Variants in ZDHHC15 observed in about 807,000 individuals in gnomAD.
ZDHHC15 encodes palmitoyltransferase ZDHHC15.
A neutral mutation model predicts 31.7 loss-of-function variants in ZDHHC15; 19 were observed. That is an observed-to-expected ratio of 0.60 (90% CI 0.42 to 0.88). The LOEUF (loss-of-function observed/expected upper bound fraction) is 0.88. Ranked by LOEUF, ZDHHC15 falls within the 40% of genes least tolerant of loss-of-function variation. ZDHHC15 has a pLI of 0.00. For synonymous variants in ZDHHC15, 103 were observed against 90.0 expected, an observed-to-expected ratio of 1.14 and a Z score of -0.82; for missense variants, 209 against 251.2, an observed-to-expected ratio of 0.83 and a Z score of 1.14.
Position 75,485,530 on chromosome X carries a change from C to A in ZDHHC15, c.164-6545G>T, listed in dbSNP as rs943857953. Among the ~76,000 whole-genome samples, 4 of 110,452 alleles carry A rather than the reference C, an allele frequency of 3.6e-5. No homozygotes were observed. The East Asian group carries it at 8.6e-4, about 24-fold the overall frequency. On this transcript the variant is annotated intron_variant, in intron 2 of 11. Coordinates refer to ENST00000373367, the MANE Select transcript of ZDHHC15 (RefSeq NM_144969.3). ...TATATAATCATTTTGGCTCAATATA[C>A]GCCCCACCATCAGTAACCTGATACA...
intron 1 of ZDHHC15, among the ~76,000 whole-genome samples, chrX:75,521,332 A>C (rs2085438277): frequency 9.0e-6 from 1 of 111,251 alleles, no homozygotes; most frequent in African/African-American, 3.3e-5. Context: ...TCAATGTGAG[A>C]AGACAGGGAC....
intron 4 of ZDHHC15, among the ~76,000 whole-genome samples, chrX:75,444,422 A>T (rs2083995132): frequency 1.1e-5 from 1 of 89,292 alleles, no homozygotes; most frequent in South Asian, 6.9e-4. Flanking sequence ...GAATAGTGAG[A>T]ACACTTGGAC....
intron 2 of ZDHHC15, among the ~76,000 whole-genome samples, chrX:75,495,859 C>A (rs2084987457): frequency 9.5e-6 from 1 of 105,787 alleles, no homozygotes; most frequent in South Asian, 4.5e-4. Context: ...TGCAGCACAC[C>A]AACATGGCAC....
intron 5 of ZDHHC15, among the ~76,000 whole-genome samples, chrX:75,430,518 A>G (rs1332742325): frequency 8.9e-6 from 1 of 112,034 alleles, no homozygotes; most frequent in East Asian, 2.8e-4. Context: ...ATATAAATAA[A>G]TGATTGAATA....
intron 2 of ZDHHC15, among the ~76,000 whole-genome samples, chrX:75,503,239 T>A (rs1363046578): frequency 9.0e-6 from 1 of 111,095 alleles, no homozygotes; most frequent in Admixed American, 9.7e-5. Context: ...TGAGCTTTAG[T>A]CCTTTCTGTG....
At chrX:75,476,120 G>A in intron 3 of ZDHHC15, among the ~76,000 whole-genome samples, 1 of 111,092 alleles carries the variant, frequency 9.0e-6, no homozygotes, top group South Asian at 3.7e-4. Flanking sequence ...TTTTACATGT[G>A]GAATATTTAC....
In ZDHHC15 at chrX:75,509,861, G is replaced by T. The variant is rs143694845; in HGVS notation, c.137-4014C>A. Among the ~76,000 whole-genome samples the T allele has an allele frequency of 8.0e-3, 899 of 112,061 alleles. 11 individuals are homozygous for T. Among genetic ancestry groups the T allele is most frequent in the African/African-American group, 0.027 (827 of 30,898 alleles). ...GAGGTTACATTTTACAATAAGTTTA[G>T]GACAAAACAAGTCTGATTTTAAAAA... On this transcript the variant is annotated intron_variant, in intron 1 of 11. Coordinates refer to ENST00000373367, the MANE Select transcript of ZDHHC15 (RefSeq NM_144969.3).
chrX:75,505,387 G>A (rs963971953), intron 2 of ZDHHC15, among the ~76,000 whole-genome samples: 1 of 111,310 alleles, frequency 9.0e-6, no homozygotes, highest in African/African-American at 3.3e-5. Flanking sequence ...CAAGATGGTG[G>A]TGAGGAGCAG....
chrX:75,494,846 G>T (rs1250888391), intron 2 of ZDHHC15, among the ~76,000 whole-genome samples: 2 of 111,716 alleles, frequency 1.8e-5, no homozygotes, highest in East Asian at 5.6e-4. Context: ...GAAAACCTAG[G>T]CAATACCATT....
chrX:75,476,358 G>T lies in ZDHHC15; in HGVS notation c.258+2533C>A, dbSNP rs138118548. On this transcript the variant is annotated intron_variant, in intron 3 of 11. Coordinates refer to ENST00000373367, the MANE Select transcript of ZDHHC15 (RefSeq NM_144969.3). ...GGTCCTTGGGTTTTCTTTGTTGGCA[G>T]GTTTTTGATTACTAATTCTATATCT... is the stretch of plus-strand genomic sequence containing the variant. Among the ~76,000 whole-genome samples, 335 of 109,998 alleles carry T rather than the reference G, an allele frequency of 3.0e-3. 1 individual carries two copies. Among genetic ancestry groups the T allele is most frequent in the African/African-American group, 0.01 (305 of 30,350 alleles).
chrX:75,474,662 G>A (rs1486952375), intron 3 of ZDHHC15, among the ~76,000 whole-genome samples: 1 of 82,869 alleles, frequency 1.2e-5, no homozygotes, highest in Admixed American at 1.5e-4. Context: ...TGATCATTGA[G>A]GTATCTTCTT....
chrX:75,443,326 T>C (rs762045099), intron 4 of ZDHHC15, among the ~76,000 whole-genome samples: 3 of 110,791 alleles, frequency 2.7e-5, no homozygotes, highest in South Asian at 7.7e-4. Flanking sequence ...CATCTACAAC[T>C]ATCTGATCTT....
chrX:75,475,025 C>T (rs1235646874), intron 3 of ZDHHC15, among the ~76,000 whole-genome samples: 1 of 111,216 alleles, frequency 9.0e-6, no homozygotes, highest in Non-Finnish European at 1.9e-5. Context: ...CGCCGCTGCA[C>T]TCCTGCCTGG....
chrX:75,491,749 T>G (rs1260683215), intron 2 of ZDHHC15, among the ~76,000 whole-genome samples: 1 of 110,895 alleles, frequency 9.0e-6, no homozygotes, highest in Non-Finnish European at 1.9e-5. Context: ...GCTGAGAGAT[T>G]TTGTCACCAC....
intron 4 of ZDHHC15, among the ~76,000 whole-genome samples, chrX:75,448,464 T>C (rs1433113762): frequency 1.8e-5 from 2 of 112,470 alleles, no homozygotes; most frequent in African/African-American, 6.5e-5. Context: ...GTATTTCAAA[T>C]ATCTTTGTCT....
At chrX:75,452,539 C>G (rs1477762486) in intron 3 of ZDHHC15, among the ~76,000 whole-genome samples, 2 of 111,508 alleles carry the variant, frequency 1.8e-5, no homozygotes, top group Non-Finnish European at 3.8e-5. Context: ...CCAAGCAGAC[C>G]TAATAGACAT....
At chrX:75,469,409 C>T (rs1003266138) in intron 3 of ZDHHC15, among the ~76,000 whole-genome samples, 1 of 111,828 alleles carries the variant, frequency 8.9e-6, no homozygotes, top group Admixed American at 9.5e-5. Flanking sequence ...CCTCTCCTCC[C>T]AGTCTTAGCA....
intron 10 of ZDHHC15, chrX:75,384,752 G>A: frequency 1.1e-5 from 11 of 957,472 alleles, no homozygotes; most frequent in Non-Finnish European, 1.7e-5. Context: ...GCTCCACCCA[G>A]AGAAGCACAC....
chrX:75,436,179 C>G (rs1169714859), intron 4 of ZDHHC15, among the ~76,000 whole-genome samples: 2 of 111,599 alleles, frequency 1.8e-5, no homozygotes, highest in Non-Finnish European at 3.8e-5. Context: ...CTGTTATCGG[C>G]TGTAATATCT....
Sources: allele counts gnomAD v4.1 joint callset (sites outside exome capture counted in the v4.1 genomes callset), GRCh38; gene constraint gnomAD v4.1.1; transcripts MANE v1.5; gene names NCBI Gene and HGNC (gene_info 2026-07-23, HGNC 2026-07-21).